The following NCAPD3 variants were observed in gnomAD, a reference collection of about 807,000 sequenced individuals.
NCAPD3 encodes non-SMC condensin II complex subunit D3.
In NCAPD3, 105 loss-of-function variants were observed where a neutral mutation model predicts 182.9. The observed-to-expected ratio is 0.57, with a 90% CI of 0.49 to 0.68. The LOEUF (loss-of-function observed/expected upper bound fraction) is 0.68. NCAPD3 is among the 30% of genes least tolerant of loss of function. The pLI is 0.00. For missense variants in NCAPD3, 1,944 were observed against 1,837.0 expected, an observed-to-expected ratio of 1.06 and a Z score of -1.07; for synonymous variants, 815 against 679.9, an observed-to-expected ratio of 1.20 and a Z score of -3.09.
At chr11:134,154,796 C>T (rs552241997) in intron 32 of NCAPD3, among the ~76,000 whole-genome samples, 2 of 152,378 alleles carry the variant, frequency 1.3e-5, no homozygotes, top group Admixed American at 6.5e-5. Flanking sequence ...TGAGTATGGA[C>T]TGTGTCTTCC....
Position 134,164,674 on chromosome 11 carries a change from C to T in NCAPD3, c.3574-2783G>A, listed in dbSNP as rs370062753. On this transcript the variant is annotated intron_variant, in intron 27 of 34. Coordinates refer to ENST00000534548, the MANE Select transcript of NCAPD3 (RefSeq NM_015261.3). ...CACTTGTGACATGAGCTTGGGGGAG[C>T]TGCACACTCACTTGTAAAATAAGCT... is the stretch of plus-strand genomic sequence containing the variant. Among the ~76,000 whole-genome samples, 70 of 147,776 alleles carry T rather than the reference C, an allele frequency of 4.7e-4. 1 individual carries two copies. The East Asian group carries it at 7.0e-3, about 15-fold the overall frequency.
chr11:134,193,938 A>T lies in NCAPD3; in HGVS notation c.1824+78T>A, dbSNP rs949835943. 9.7e-6 allele frequency: 14 copies of T among 1,440,702 alleles called. No individual in the cohort carries two copies. In the African/African-American group the frequency reaches 1.8e-4, roughly 19 times the overall value. The allele number at this position is 1,440,702 out of a possible 1,614,324, so 89.2% of individuals were successfully genotyped here. On this transcript the variant is annotated intron_variant, in intron 15 of 34. Coordinates refer to ENST00000534548, the MANE Select transcript of NCAPD3 (RefSeq NM_015261.3). ...GTTTTTAAAGGTCAACTTAACGTTT[A>T]GCAGCAGGTAATTATTGTGTGGAAT...
rs1943199665 is a variant in NCAPD3 at position 134,150,758 on chromosome 11, C to G, written c.*2186G>C. 6.6e-6 allele frequency: 1 copy of G among 152,056 alleles called. No homozygotes were observed. The highest frequency in any genetic ancestry group is 2.4e-5 in the African/African-American group (1 of 41,390). The allele number at this position is 152,056 out of a possible 1,614,324, so 9.4% of individuals were successfully genotyped here. A position where few individuals can be genotyped will look rare whatever the true frequency, so the allele number is the denominator to read the frequency against. On this transcript the variant is annotated 3_prime_UTR_variant, in exon 35 of 35. Transcript: ENST00000534548. ...TTAAAAGAAAATGGATCCCACTGTT[C>G]CTCTTTGCCACAGAGAAAGCACCCA...
rs1239466791 is a variant in NCAPD3 at position 134,204,146 on chromosome 11, G to C, written c.1115C>G (p.Thr372Ser). The change falls in exon 10 of 35, where the codon ACT becomes AGT. Residue 372 changes from threonine to serine, a missense_variant. Around this residue, in one of 3 missense-constraint regions of NCAPD3, gnomAD observed 1,803 missense variants for 1,674.6 expected, o/e 1.08. Coordinates refer to ENST00000534548, the MANE Select transcript of NCAPD3 (RefSeq NM_015261.3). The surrounding 1 kb of genome is among the most constrained non-coding windows in gnomAD (Gnocchi z 4.3). ...AKVVDKSEYR[T>S]FAAQSLVQLL... ...CTGGACTAGGGACTGGGCTGCAAAA[G>C]TACGATACTCTGATTTATCTACCAC... 3 of 1,613,956 alleles carry C rather than the reference G, an allele frequency of 1.9e-6. No homozygotes were observed. The highest frequency in any genetic ancestry group is 2.2e-5 in the East Asian group (1 of 44,890).
In NCAPD3 at chr11:134,157,978, A is replaced by G. The variant is rs1591819588; in HGVS notation, c.4124T>C (p.Val1375Ala). Reference protein sequence around the residue: ...KSRHRSRSLGVLPFTLNSGSP... With the variant: ...KSRHRSRSLGALPFTLNSGSP... ...TCCAGAATTTAAAGTGAAAGGCAGC[A>G]CTCCTAAGCTCCGACTCCGATGCCT... The change falls in exon 31 of 35, where the codon GTG becomes GCG. Residue 1375 changes from valine to alanine, a missense_variant. Physicochemically the swap from Val to Ala is moderately conservative, Grantham distance 64. Coordinates refer to ENST00000534548, the MANE Select transcript of NCAPD3 (RefSeq NM_015261.3). 1 of 1,614,018 alleles carries G rather than the reference A, an allele frequency of 6.2e-7. No homozygotes were observed. The highest frequency in any genetic ancestry group is 2.2e-5 in the East Asian group (1 of 44,878).
intron 27 of NCAPD3, among the ~76,000 whole-genome samples, chr11:134,165,340 G>A (rs750977843): frequency 7.9e-5 from 12 of 150,996 alleles, no homozygotes; most frequent in Non-Finnish European, 1.3e-4. Flanking sequence ...AAGTGGAGGG[G>A]CACACTCATG....
chr11:134,200,349 G>GTA (rs1944723936), intron 13 of NCAPD3, among the ~76,000 whole-genome samples: 1 of 151,934 alleles, frequency 6.6e-6, no homozygotes, highest in Non-Finnish European at 1.5e-5. Context: ...ATCTGATAAG[G>GTA]TATATATATA....
chr11:134,207,196 C>A (rs576296895), intron 7 of NCAPD3, among the ~76,000 whole-genome samples: 2 of 152,222 alleles, frequency 1.3e-5, no homozygotes, highest in East Asian at 3.9e-4. Context: ...ATAAATAAAA[C>A]ATTTACTGAA....
At chr11:134,155,105 T>C (rs1425185275) in intron 32 of NCAPD3, among the ~76,000 whole-genome samples, 1 of 152,204 alleles carries the variant, frequency 6.6e-6, no homozygotes, top group Non-Finnish European at 1.5e-5. Context: ...GCAGCGTCTG[T>C]GCCACCCGAA....
In NCAPD3 at chr11:134,152,303, T is replaced by C. The variant is rs1358666428; in HGVS notation, c.*641A>G. 1.3e-5 allele frequency: 2 copies of C among 152,236 alleles called. No individual in the cohort carries two copies. Among genetic ancestry groups the C allele is most frequent in the South Asian group, 4.1e-4 (2 of 4,838 alleles). The allele number at this position is 152,236 out of a possible 1,614,324, so 9.4% of individuals were successfully genotyped here. A position where few individuals can be genotyped will look rare whatever the true frequency, so the allele number is the denominator to read the frequency against. ...CTGCCTGGGCACAGATGAACTGCCC[T>C]TCAAGACAATCATCTTTTTTCTAAT... On this transcript the variant is annotated 3_prime_UTR_variant, in exon 35 of 35. Coordinates refer to ENST00000534548, the MANE Select transcript of NCAPD3 (RefSeq NM_015261.3).
In NCAPD3 at chr11:134,177,320, T is replaced by C. The variant is rs200832501; in HGVS notation, c.2920A>G (p.Ile974Val). 1.0e-4 allele frequency: 164 copies of C among 1,614,116 alleles called. No individual in the cohort carries two copies. The highest frequency in any genetic ancestry group is 1.3e-4 in the Non-Finnish European group (155 of 1,180,054). ...TTGGGAATATACTTGTCCACCATGATGGTGTAGCGAATGCAGAGATCGCAC... is the reference window on the plus strand; with the variant it reads ...TTGGGAATATACTTGTCCACCATGACGGTGTAGCGAATGCAGAGATCGCAC... ...VMCDLCIRYT[I>V]MVDKYIPNIS... Residue 974 changes from isoleucine (I) to valine (V), a missense_variant, in exon 23 of 35, where the codon ATC becomes GTC. Physicochemically the swap from Ile to Val is conservative, Grantham distance 29. Coordinates refer to ENST00000534548, the MANE Select transcript of NCAPD3 (RefSeq NM_015261.3).
At chr11:134,186,693 A>T (rs1402931671) in intron 16 of NCAPD3, among the ~76,000 whole-genome samples, 1 of 152,210 alleles carries the variant, frequency 6.6e-6, no homozygotes, top group Non-Finnish European at 1.5e-5. Context: ...CCCACACGCG[A>T]ACATCAGGAA....
intron 25 of NCAPD3, 64 bp from the exon 26 acceptor site, chr11:134,168,666 C>T: frequency 1.3e-6 from 2 of 1,596,050 alleles, no homozygotes; most frequent in African/African-American, 2.7e-5. Flanking sequence ...TTTAACACTG[C>T]ACTTTAACTG....
Position 134,158,422 on chromosome 11 carries a change from T to C in NCAPD3, c.3941A>G (p.Gln1314Arg). The change falls in exon 30 of 35, where the codon CAG becomes CGG. Residue 1314 changes from glutamine to arginine, a missense_variant. Coordinates refer to ENST00000534548, the MANE Select transcript of NCAPD3 (RefSeq NM_015261.3). Reference sequence around the variant, plus strand: ...AGCACTTGCCCTGGGTGTGCAGGGCTGGCTCACGGCAGGTGACATGGCAGG... The same window carrying C: ...AGCACTTGCCCTGGGTGTGCAGGGCCGGCTCACGGCAGGTGACATGGCAGG... ...ENPAMSPAVS[Q>R]PCTPRASAGH... 1 of 1,614,210 alleles carries C rather than the reference T, an allele frequency of 6.2e-7. No individual in the cohort carries two copies. Among genetic ancestry groups the C allele is most frequent in the Non-Finnish European group, 8.5e-7 (1 of 1,180,042 alleles).
chr11:134,170,585 T>G (rs1943983235), intron 24 of NCAPD3, among the ~76,000 whole-genome samples: 1 of 152,246 alleles, frequency 6.6e-6, no homozygotes, highest in African/African-American at 2.4e-5. Context: ...CCAGATAGAA[T>G]CAGCAAATCT....
intron 13 of NCAPD3, among the ~76,000 whole-genome samples, chr11:134,195,466 A>C (rs1241672036): frequency 6.6e-6 from 1 of 152,222 alleles, no homozygotes; most frequent in East Asian, 1.9e-4. Context: ...TAATACTTAG[A>C]ATCAGAAATT....
rs757596307 is a variant in NCAPD3 at position 134,194,067 on chromosome 11, A to C, written c.1773T>G (p.Pro591=). 6.2e-6 allele frequency: 10 copies of C among 1,614,222 alleles called. No homozygotes were observed. The highest frequency in any genetic ancestry group is 7.6e-6 in the Non-Finnish European group (9 of 1,180,012). Residue 591 remains proline (P), a synonymous_variant, in exon 15 of 35, where the codon CCT becomes CCG. Transcript: ENST00000534548. ...GGGCCTGCTTCCGGACAGACACTGC[A>C]GGGTCCCGACACTGGTCCTGCAGAA... is the stretch of plus-strand genomic sequence containing the variant. The part of the protein sequence containing the change: ...LWILQDQCRD[P]AVSVRKQALQ...
At chr11:134,186,951 AATTT>A (rs568055752) in intron 16 of NCAPD3, among the ~76,000 whole-genome samples, 13 of 152,356 alleles carry the variant, frequency 8.5e-5, no homozygotes, top group African/African-American at 3.1e-4. Flanking sequence ...AGTATTTTTA[AATTT>A]ATTTAAAAAT....
chr11:134,167,421 T>C, intron 27 of NCAPD3, among the ~76,000 whole-genome samples: 2 of 108,628 alleles, frequency 1.8e-5, no homozygotes, highest in African/African-American at 7.4e-5. Context: ...TGAGATGAGC[T>C]TGGGGGAGGC....
Sources: gnomAD v4.1 joint callset for allele counts (sites outside exome capture counted in the v4.1 genomes callset) on GRCh38, gnomAD v4.1.1 for gene constraint, gnomAD v4.1.1 regional missense constraint, Gnocchi (gnomAD v3.1) non-coding constraint, MANE v1.5 for transcripts, NCBI Gene and HGNC (gene_info 2026-07-23, HGNC 2026-07-21) for gene names.